Variants in SUN1 observed in about 807,000 individuals in gnomAD.
SUN1 encodes SUN domain-containing protein 1.
In SUN1, 61 loss-of-function variants were observed where a neutral mutation model predicts 103.2. The ratio of observed to expected loss-of-function variants is 0.59; its 90% CI spans 0.48 to 0.73. SUN1 has a LOEUF of 0.73. SUN1 is among the 30% of genes least tolerant of loss of function. The pLI is 0.00. For missense variants in SUN1, 1,052 were observed against 1,034.6 expected, an observed-to-expected ratio of 1.02 and a Z score of -0.23; for synonymous variants, 490 against 425.7, an observed-to-expected ratio of 1.15 and a Z score of -1.86.
chr7:827,504 C>G (rs1383989701), upstream of SUN1, among the ~76,000 whole-genome samples: 4 of 147,242 alleles, frequency 2.7e-5, no homozygotes, highest in Admixed American at 1.4e-4. Context: ...GGGTCACGCT[C>G]TGTCCCCCAG....
Position 838,865 on chromosome 7 carries a change from C to A in SUN1, c.145C>A (p.Pro49Thr). ...EHKLDPVFDS[P>T]RMSRRSLRLA... ...CAAATTGGACCCTGTATTTGATTCT[C>A]CACGGATGTCCCGCCGTAGTTTGCG... The change falls in exon 2 of 19, where the codon CCA (proline) becomes ACA (threonine). Residue 49 changes from proline to threonine, a missense_variant. This residue lies in a region of SUN1 where 846 missense variants were observed against 774.5 expected (regional missense o/e 1.09). Coordinates refer to ENST00000401592, the MANE Select transcript of SUN1 (RefSeq NM_001130965.3). 1 of 1,595,224 alleles carries A rather than the reference C, an allele frequency of 6.3e-7. No individual in the cohort carries two copies. Among genetic ancestry groups the A allele is most frequent in the Admixed American group, 1.8e-5 (1 of 56,718 alleles).
chr7:872,567 G>C lies in SUN1; in HGVS notation c.2241+5G>C. 2 of 1,575,574 alleles carry C rather than the reference G, an allele frequency of 1.3e-6. No homozygotes were observed. The highest frequency in any genetic ancestry group is 1.7e-6 in the Non-Finnish European group (2 of 1,159,752). ...CTCCAGATGTTCCAGGCCCTGGTAAGAACTGGGACTGGCACTGCCTGGGGT... is the reference window on the plus strand; with the variant it reads ...CTCCAGATGTTCCAGGCCCTGGTAACAACTGGGACTGGCACTGCCTGGGGT... On this transcript the variant is annotated splice_donor_5th_base_variant and intron_variant, in intron 18 of 18. Coordinates refer to ENST00000401592, the MANE Select transcript of SUN1 (RefSeq NM_001130965.3).
At chr7:853,703 G>A (rs898088265) in intron 10 of SUN1, 85 bp downstream of exon 10, 1 of 1,433,514 alleles carries the variant, frequency 7.0e-7, no homozygotes, top group Admixed American at 2.0e-5. Flanking sequence ...AGACAGAGGG[G>A]ACAGGAGAGG....
chr7:870,205 T>TA (rs34486427), intron 17 of SUN1, among the ~76,000 whole-genome samples: 102,868 of 137,292 alleles, frequency 0.75, 38,373 homozygotes, highest in Admixed American at 0.82. Flanking sequence ...ACCCTGTCTT[T>TA]AAAAAAAAAA....
chr7:819,239 G>T (rs1254423990), intron 1 of SUN1, among the ~76,000 whole-genome samples: 3 of 145,428 alleles, frequency 2.1e-5, no homozygotes, highest in Non-Finnish European at 4.5e-5. Flanking sequence ...CTGTATACTA[G>T]ACCCTCATTA....
upstream of SUN1, among the ~76,000 whole-genome samples, chr7:829,716 A>G (rs1179412454): frequency 6.6e-6 from 1 of 151,938 alleles, no homozygotes; most frequent in Non-Finnish European, 1.5e-5. Context: ...CACCAAGCCC[A>G]GCTAACTTTT....
upstream of SUN1, among the ~76,000 whole-genome samples, chr7:816,083 C>G (rs76222665): frequency 0.12 from 16,751 of 141,976 alleles, 1,130 homozygotes; most frequent in South Asian, 0.21. Context: ...CGCCCTCCCC[C>G]AGATGCACAC....
chr7:837,189 G>A (rs1562573134), intron 1 of SUN1, among the ~76,000 whole-genome samples: 1 of 152,234 alleles, frequency 6.6e-6, no homozygotes, highest in Non-Finnish European at 1.5e-5. Context: ...CGGAGGCTCT[G>A]AAGTGCTGGG....
chr7:827,611 A>C (rs555855714), upstream of SUN1, among the ~76,000 whole-genome samples: 95 of 151,966 alleles, frequency 6.3e-4, no homozygotes, highest in African/African-American at 2.2e-3. Context: ...CTGGGACTAC[A>C]GGTGCCCGCC....
intron 12 of SUN1, among the ~76,000 whole-genome samples, chr7:857,351 A>G (rs942309920): frequency 6.6e-6 from 1 of 152,172 alleles, no homozygotes; most frequent in African/African-American, 2.4e-5. Flanking sequence ...TAATATGTCA[A>G]TCCTAAAGTG....
chr7:863,803 G>A (rs1003630137), intron 15 of SUN1, among the ~76,000 whole-genome samples: 1 of 152,186 alleles, frequency 6.6e-6, no homozygotes, highest in Non-Finnish European at 1.5e-5. Flanking sequence ...TTCATTTGGA[G>A]TAGCTCTCTC....
upstream of SUN1, chr7:831,948 A>G: frequency 1.4e-6 from 1 of 736,416 alleles, no homozygotes; most frequent in Non-Finnish European, 1.7e-6. Flanking sequence ...TCTAACCTAA[A>G]AAATATCCTG....
intron 13 of SUN1, 133 bp downstream of exon 13, chr7:858,090 A>G: frequency 1.7e-6 from 2 of 1,166,180 alleles, no homozygotes; most frequent in Non-Finnish European, 2.3e-6. Context: ...TTGCTGTGGC[A>G]CGCAGGCTAG....
rs749022859 is a variant in SUN1, at chr7:853,469, C to T, written c.1114C>T (p.Leu372=). ...TGGCGTGGAGCAGCAGGTGGCCTCT[C>T]TGTCTGGACAGTGCCACCACCATGG... The part of the protein sequence containing the change: ...MSGVEQQVAS[L]SGQCHHHGEN... Residue 372 remains leucine, a synonymous_variant, in exon 10 of 19, where the codon CTG becomes TTG. Transcript: ENST00000401592. 6.2e-7 allele frequency: 1 copy of T among 1,614,096 alleles called. No individual in the cohort carries two copies. Among genetic ancestry groups the T allele is most frequent in the South Asian group, 1.1e-5 (1 of 91,086 alleles).
intron 1 of SUN1, among the ~76,000 whole-genome samples, chr7:823,997 G>A (rs1309602533): frequency 2.0e-5 from 3 of 152,246 alleles, no homozygotes; most frequent in African/African-American, 7.2e-5. Flanking sequence ...AGGAGAGTCC[G>A]TTGCAGACCA....
Position 843,190 on chromosome 7 carries a change from GTGT to G in SUN1, c.452-14_452-12del, listed in dbSNP as rs762725070. 7.5e-5 allele frequency: 116 copies of G among 1,552,050 alleles called. No homozygotes were observed. Among genetic ancestry groups the G allele is most frequent in the African/African-American group, 1.7e-4 (11 of 65,016 alleles). ...CAACAGCAAAAATGTGTGTGTGTGTGTGTTTTTTTTTTTAGGTCTTGATGATGA... is the reference window on the plus strand; with the variant it reads ...CAACAGCAAAAATGTGTGTGTGTGTGTTTTTTTTTTAGGTCTTGATGATGA... On this transcript the variant is annotated splice_polypyrimidine_tract_variant and intron_variant, in intron 3 of 18. Coordinates refer to ENST00000401592, the MANE Select transcript of SUN1 (RefSeq NM_001130965.3).
At chr7:816,062 C>T, upstream of SUN1, 1 of 226,882 alleles carries the variant, frequency 4.4e-6, no homozygotes, top group South Asian at 4.1e-5. Context: ...AACCTCTCCC[C>T]AAGATGCGGA....
upstream of SUN1, among the ~76,000 whole-genome samples, chr7:829,725 T>C (rs1236766376): frequency 6.6e-6 from 1 of 152,086 alleles, no homozygotes; most frequent in Non-Finnish European, 1.5e-5. Flanking sequence ...CAGCTAACTT[T>C]TTGTATTTTT....
Position 869,713 on chromosome 7 carries a change from T to C in SUN1, c.2148+197T>C, listed in dbSNP as rs4544987. On this transcript the variant is annotated intron_variant, in intron 17 of 18. Coordinates refer to ENST00000401592, the MANE Select transcript of SUN1 (RefSeq NM_001130965.3). The stretch of plus-strand genomic sequence containing the variant: ...GAAATGGCATATTACCTGATGTCCA[T>C]TTTACATACAGTACTACACTGACCA... 0.78 allele frequency among the ~76,000 whole-genome samples: 118,622 copies of C among 152,098 alleles called. 46,400 individuals carry two copies. Among genetic ancestry groups the C allele is most frequent in the Admixed American group, 0.83 (12,720 of 15,276 alleles).
Sources: gnomAD v4.1 joint callset for allele counts (sites outside exome capture counted in the v4.1 genomes callset) on GRCh38, gnomAD v4.1.1 for gene constraint, gnomAD v4.1.1 regional missense constraint, MANE v1.5 for transcripts, NCBI Gene and HGNC (gene_info 2026-07-23, HGNC 2026-07-21) for gene names.